Variants in DLGAP1 observed in about 807,000 individuals in gnomAD.
DLGAP1 encodes disks large-associated protein 1.
Under a neutral mutation model 90.8 loss-of-function variants are expected in DLGAP1, and 11 were observed. That is an observed-to-expected ratio of 0.12 (90% CI 0.08 to 0.20). The LOEUF is 0.20. Among genes scored for constraint, DLGAP1 ranks in the 10% least tolerant of loss-of-function variants. DLGAP1 has a pLI of 1.00. For missense variants in DLGAP1, 1,050 were observed against 1,333.8 expected (o/e 0.79, Z 3.31); for synonymous variants, 558 against 540.7 (o/e 1.03, Z -0.44).
intron 1 of DLGAP1, among the ~76,000 whole-genome samples, chr18:4,209,520 C>T (rs1456917371): frequency 2.0e-5 from 3 of 152,040 alleles, no homozygotes; most frequent in African/African-American, 4.8e-5. Context: ...ACAGCTATCA[C>T]GCATTTGAGG....
intron 7 of DLGAP1, among the ~76,000 whole-genome samples, chr18:3,637,077 T>C (rs2058746709): frequency 6.6e-6 from 1 of 152,066 alleles, no homozygotes; most frequent in African/African-American, 2.4e-5. Flanking sequence ...CTCAATCTTT[T>C]CCTAAGAACA....
At chr18:4,202,141 A>G (rs1008144801) in intron 1 of DLGAP1, among the ~76,000 whole-genome samples, 6 of 151,676 alleles carry the variant, frequency 4.0e-5, no homozygotes, top group Non-Finnish European at 5.9e-5. Context: ...ATACATACGC[A>G]CACACACACA....
chr18:3,877,628 G>A (rs1222422259), intron 4 of DLGAP1, among the ~76,000 whole-genome samples: 2 of 152,146 alleles, frequency 1.3e-5, no homozygotes, highest in Non-Finnish European at 2.9e-5. Context: ...TTCTTAAAGA[G>A]TTTCTAGAGC....
intron 2 of DLGAP1, among the ~76,000 whole-genome samples, chr18:4,135,045 C>G (rs1388788603): frequency 6.6e-6 from 1 of 152,084 alleles, no homozygotes; most frequent in African/African-American, 2.4e-5. Context: ...AAACTACCAG[C>G]AGAGTACGTA....
intron 3 of DLGAP1, among the ~76,000 whole-genome samples, chr18:3,979,129 G>A (rs564712467): frequency 3.5e-4 from 54 of 152,266 alleles, no homozygotes; most frequent in Middle Eastern, 6.8e-3. Flanking sequence ...AATAAGCCAC[G>A]CACAGAAAAA....
intron 2 of DLGAP1, among the ~76,000 whole-genome samples, chr18:4,077,782 C>A (rs769314450): frequency 6.6e-6 from 1 of 152,096 alleles, no homozygotes; most frequent in Non-Finnish European, 1.5e-5. Flanking sequence ...TATAGCAACA[C>A]CAGATGGATT....
chr18:4,359,183 T>C (rs34381852), intron 1 of DLGAP1, among the ~76,000 whole-genome samples: 15,421 of 152,226 alleles, frequency 0.1, 817 homozygotes, highest in African/African-American at 0.14. Flanking sequence ...GTTCAGGACA[T>C]GCTACCGTAA....
At position 4,182,027 on chromosome 18, in the gene DLGAP1, G is replaced by A. The variant is rs139965278; in HGVS notation, c.-266-30740C>T. Among the ~76,000 whole-genome samples, 4 of 152,226 alleles carry A rather than the reference G, an allele frequency of 2.6e-5. No homozygotes were observed. In the East Asian group the frequency reaches 7.7e-4, roughly 29 times the overall value. ...TTTTTCAGTTGGCATGGTGGGGACT[G>A]GCTAGGGAGACCATACCCATCTTTC... On this transcript the variant is annotated intron_variant, in intron 1 of 12. Coordinates refer to ENST00000315677, the MANE Select transcript of DLGAP1 (RefSeq NM_004746.4).
chr18:3,661,397 T>C (rs896046405), intron 7 of DLGAP1, among the ~76,000 whole-genome samples: 4 of 152,098 alleles, frequency 2.6e-5, no homozygotes, highest in African/African-American at 9.7e-5. Context: ...TCTGCCCAGA[T>C]CTCATGAAAC....
At chr18:4,299,128 G>A (rs952993156) in intron 1 of DLGAP1, among the ~76,000 whole-genome samples, 3 of 151,488 alleles carry the variant, frequency 2.0e-5, no homozygotes, top group African/African-American at 7.3e-5. Context: ...AAATTCTTGG[G>A]CCCCAGCCCA....
intron 11 of DLGAP1, 112 bp downstream of exon 11, chr18:3,508,458 C>A: frequency 1.8e-6 from 1 of 548,616 alleles, no homozygotes. Context: ...TGAGAGACTC[C>A]AATGGACCTT....
rs186125882 is a variant in DLGAP1, at chr18:4,361,570, T to C, written c.-267+93436A>G. On this transcript the variant is annotated intron_variant, in intron 1 of 12. Transcript: ENST00000315677. The stretch of plus-strand genomic sequence containing the variant: ...TTCCACAAACAAGAAAATGAAAGTG[T>C]ACCCTCACCTAATGCTACATATAAA... Among the ~76,000 whole-genome samples, 867 of 152,298 alleles carry C rather than the reference T, an allele frequency of 5.7e-3. 10 individuals carry two copies. The highest frequency in any genetic ancestry group is 0.02 in the African/African-American group (818 of 41,574).
At chr18:3,692,533 T>A (rs1567970820) in intron 7 of DLGAP1, among the ~76,000 whole-genome samples, 1 of 152,198 alleles carries the variant, frequency 6.6e-6, no homozygotes, top group Non-Finnish European at 1.5e-5. Flanking sequence ...TTCAAGGTTG[T>A]TCAATACCTC....
At chr18:4,288,972 C>T (rs1051309324) in intron 1 of DLGAP1, among the ~76,000 whole-genome samples, 7 of 152,146 alleles carry the variant, frequency 4.6e-5, no homozygotes, top group South Asian at 2.1e-4. Flanking sequence ...TGTCATGTGG[C>T]GCCCATTGTA....
chr18:4,386,934 CTGTT>C (rs535037234), intron 1 of DLGAP1, among the ~76,000 whole-genome samples: 1,669 of 152,286 alleles, frequency 0.011, 15 homozygotes, highest in Non-Finnish European at 0.015. Flanking sequence ...TGGAGCATGA[CTGTT>C]TGGGGTGAAA....
chr18:3,655,960 A>G, intron 7 of DLGAP1: 1 of 891,522 alleles, frequency 1.1e-6, no homozygotes. Context: ...CACAGATGCA[A>G]TGGCAATAGC....
At chr18:4,095,614 C>T (rs1343843692) in intron 2 of DLGAP1, among the ~76,000 whole-genome samples, 1 of 151,704 alleles carries the variant, frequency 6.6e-6, no homozygotes, top group Non-Finnish European at 1.5e-5. Context: ...ATTTCTTGTG[C>T]CCCAAGTCAG....
chr18:4,056,020 G>A (rs61634005), intron 2 of DLGAP1, among the ~76,000 whole-genome samples: 33,764 of 151,964 alleles, frequency 0.22, 4,222 homozygotes, highest in Non-Finnish European at 0.26. Context: ...GCGGGGAAGG[G>A]GAAAAATAGA....
At chr18:4,029,502 T>C (rs1023078745) in intron 2 of DLGAP1, among the ~76,000 whole-genome samples, 2 of 152,190 alleles carry the variant, frequency 1.3e-5, no homozygotes, top group African/African-American at 4.8e-5. Context: ...GGCCTCTTAA[T>C]GACTCCATTT....
Sources: allele counts gnomAD v4.1 joint callset (sites outside exome capture counted in the v4.1 genomes callset), GRCh38; gene constraint gnomAD v4.1.1; transcripts MANE v1.5; gene names NCBI Gene and HGNC (gene_info 2026-07-23, HGNC 2026-07-21).